Variants in OXSR1 observed in about 807,000 individuals in gnomAD.
OXSR1 encodes the protein oxidative stress responsive kinase 1.
In OXSR1, 24 loss-of-function variants were observed where a neutral mutation model predicts 79.8. The observed-to-expected ratio is 0.30, with a 90% confidence interval of 0.22 to 0.42. The LOEUF is 0.42. Among genes scored for constraint, OXSR1 ranks in the 10% least tolerant of loss-of-function variants. The probability of loss-of-function intolerance (pLI) is 1.00; values close to 1 mark genes in which losing one functional copy is unlikely to be tolerated. For missense variants in OXSR1, 430 were observed against 618.4 expected (o/e 0.70, Z 3.23); for synonymous variants, 226 against 209.2 (o/e 1.08, Z -0.69).
intron 1 of OXSR1, among the ~76,000 whole-genome samples, chr3:38,175,701 A>G (rs1345436338): frequency 6.6e-6 from 1 of 152,228 alleles, no homozygotes; most frequent in Non-Finnish European, 1.5e-5. Context: ...CTCTGTCTCA[A>G]GAAGTAGAGT....
Position 38,216,076 on chromosome 3 carries a change from CTTTTT to C in OXSR1, c.435-9_435-5del. 1.6e-6 allele frequency: 2 copies of C among 1,269,320 alleles called. No individual in the cohort carries two copies. Among genetic ancestry groups the C allele is most frequent in the Non-Finnish European group, 2.2e-6 (2 of 912,310 alleles). 78.6% of individuals were successfully genotyped at this position (1,269,320 alleles called of 1,614,324 possible). The stretch of plus-strand genomic sequence containing the variant: ...AGAATAGATGTTTTTTGATACATAA[CTTTTT>C]TTTTTTTTTTAAAGAGATGTGAAAG... On this transcript the variant is annotated splice_polypyrimidine_tract_variant and intron_variant, in intron 4 of 17. Transcript: ENST00000311806.
chr3:38,166,002 G>A (rs1312538341), intron 1 of OXSR1, 56 bp downstream of exon 1: 2 of 1,493,976 alleles, frequency 1.3e-6, no homozygotes, highest in Non-Finnish European at 1.8e-6. Flanking sequence ...GGGGGACACG[G>A]GAACGTGGGG....
In OXSR1 at chr3:38,252,962, A is replaced by C; in HGVS notation, c.*71A>C. 8.0e-7 allele frequency: 1 copy of C among 1,252,622 alleles called. No individual in the cohort carries two copies. Among genetic ancestry groups the C allele is most frequent in the South Asian group, 1.2e-5 (1 of 82,804 alleles). 77.6% of individuals were successfully genotyped at this position (1,252,622 alleles called of 1,614,324 possible). A position where few individuals can be genotyped will look rare whatever the true frequency, so the allele number is the denominator to read the frequency against. ...TATCTCTGTTGCTTCTATTGGCCTA[A>C]ACCCACTACTGCCAAAGAACCCAGC... On this transcript the variant is annotated 3_prime_UTR_variant, in exon 18 of 18. Transcript: ENST00000311806.
chr3:38,175,982 G>GTATTCAGATTAGGCCAATGATA lies in OXSR1; in HGVS notation c.71-7021_71-7020insTATTCAGATTAGGCCAATGATA. 1.3e-5 allele frequency among the ~76,000 whole-genome samples: 2 copies of GTATTCAGATTAGGCCAATGATA among 152,178 alleles called. 1 individual carries two copies. Among genetic ancestry groups the GTATTCAGATTAGGCCAATGATA allele is most frequent in the Middle Eastern group, 6.8e-3 (2 of 294 alleles). On this transcript the variant is annotated intron_variant, in intron 1 of 17. Coordinates refer to ENST00000311806, the MANE Select transcript of OXSR1 (RefSeq NM_005109.3). The stretch of plus-strand genomic sequence containing the variant: ...CAGATTAGGCCAATGCTTAGTCGAG[G>GTATTCAGATTAGGCCAATGATA]GCATTAGGGAAGTAGCTATCACACT...
intron 4 of OXSR1, among the ~76,000 whole-genome samples, chr3:38,207,579 G>A (rs2125825992): frequency 6.6e-6 from 1 of 152,300 alleles, no homozygotes; most frequent in Middle Eastern, 3.4e-3. Context: ...ATGTGCTACT[G>A]ACATGTAATG....
chr3:38,220,757 T>C (rs1363666039), intron 5 of OXSR1, among the ~76,000 whole-genome samples: 3 of 152,198 alleles, frequency 2.0e-5, no homozygotes, highest in African/African-American at 7.2e-5. Flanking sequence ...AGGAGACTAA[T>C]ATAGGCCTAC....
intron 15 of OXSR1, chr3:38,250,239 A>C: frequency 2.1e-6 from 1 of 480,588 alleles, no homozygotes; most frequent in Non-Finnish European, 3.7e-6. Context: ...AATATATGAT[A>C]GCTCTTTACA....
Position 38,252,354 on chromosome 3 carries a change from G to A in OXSR1, c.1471G>A (p.Glu491Lys). ...IVAANLQKIV[E>K]EPQSNRSVTF... ...GGCAGCTAATTTGCAGAAAATTGTGGAAGAACCTCAGTCAAATCGATCTGT... is the reference window on the plus strand; with the variant it reads ...GGCAGCTAATTTGCAGAAAATTGTGAAAGAACCTCAGTCAAATCGATCTGT... The change falls in exon 17 of 18, where the codon GAA (glutamate) becomes AAA (lysine). Residue 491 changes from glutamate to lysine, a missense_variant. Physicochemically the swap from Glu to Lys is moderately conservative, Grantham distance 56. Transcript: ENST00000311806. 1 of 1,612,126 alleles carries A rather than the reference G, an allele frequency of 6.2e-7. No homozygotes were observed. The highest frequency in any genetic ancestry group is 8.5e-7 in the Non-Finnish European group (1 of 1,178,306).
intron 11 of OXSR1, among the ~76,000 whole-genome samples, chr3:38,241,835 G>A (rs368207884): frequency 1.3e-5 from 2 of 148,560 alleles, no homozygotes; most frequent in South Asian, 4.2e-4. Context: ...TTTTGGGTTG[G>A]TCACTTACTT....
intron 4 of OXSR1, among the ~76,000 whole-genome samples, chr3:38,212,478 T>C (rs1289034011): frequency 3.3e-5 from 5 of 152,250 alleles, no homozygotes; most frequent in Non-Finnish European, 7.3e-5. Flanking sequence ...AGGCTGGCTG[T>C]GACAGAAATG....
rs1053924719 is a variant in OXSR1 at position 38,253,077 on chromosome 3, A to G, written c.*186A>G. 1.0e-5 allele frequency: 6 copies of G among 589,326 alleles called. No homozygotes were observed. Among genetic ancestry groups the G allele is most frequent in the Non-Finnish European group, 1.8e-5 (6 of 331,240 alleles). The allele number at this position is 589,326 out of a possible 1,614,324, so 36.5% of individuals were successfully genotyped here. A position where few individuals can be genotyped will look rare whatever the true frequency, so the allele number is the denominator to read the frequency against. ...CCCACAGGGAAAGAAAAGTTGGATC[A>G]CTAGTGGCCAGCATCCCCAGAGTTC... is the stretch of plus-strand genomic sequence containing the variant. On this transcript the variant is annotated 3_prime_UTR_variant, in exon 18 of 18. Transcript: ENST00000311806.
intron 2 of OXSR1, among the ~76,000 whole-genome samples, chr3:38,189,832 G>T (rs1454454745): frequency 1.3e-5 from 2 of 152,192 alleles, no homozygotes; most frequent in African/African-American, 4.8e-5. Context: ...CAGTGATTGA[G>T]AATCTACTTT....
chr3:38,235,181 C>T (rs1310338404), intron 10 of OXSR1, among the ~76,000 whole-genome samples: 1 of 152,080 alleles, frequency 6.6e-6, no homozygotes, highest in Non-Finnish European at 1.5e-5. Flanking sequence ...GGTTGCACAA[C>T]TTTGAATATA....
chr3:38,215,119 G>GA (rs1702457564), intron 4 of OXSR1, among the ~76,000 whole-genome samples: 2 of 152,178 alleles, frequency 1.3e-5, no homozygotes, highest in Non-Finnish European at 2.9e-5. Flanking sequence ...TTTGGCAAGG[G>GA]AAAGGGGTGT....
chr3:38,166,545 C>A (rs1364358184), intron 1 of OXSR1, among the ~76,000 whole-genome samples: 3 of 152,096 alleles, frequency 2.0e-5, no homozygotes, highest in African/African-American at 7.2e-5. Flanking sequence ...GTAATCCCAC[C>A]ACTTTGGGAG....
At chr3:38,188,973 C>A (rs933956321) in intron 2 of OXSR1, among the ~76,000 whole-genome samples, 16 of 152,096 alleles carry the variant, frequency 1.1e-4, no homozygotes, top group African/African-American at 3.6e-4. Flanking sequence ...CTATACCTGG[C>A]ACGTAGTAGG....
intron 9 of OXSR1, 63 bp downstream of exon 9, chr3:38,229,798 G>A: frequency 8.2e-7 from 1 of 1,221,476 alleles, no homozygotes; most frequent in Non-Finnish European, 1.2e-6. Context: ...CTCAGATTAT[G>A]TTCAGTGCTT....
chr3:38,168,255 T>C (rs954226113), intron 1 of OXSR1, among the ~76,000 whole-genome samples: 2 of 152,248 alleles, frequency 1.3e-5, no homozygotes, highest in Admixed American at 6.5e-5. Context: ...TAGTGGTTTT[T>C]AGTAAATTCC....
intron 10 of OXSR1, among the ~76,000 whole-genome samples, chr3:38,232,764 C>G (rs531605794): frequency 6.6e-6 from 1 of 150,562 alleles, no homozygotes; most frequent in Admixed American, 6.6e-5. Flanking sequence ...TGTCTCAAAA[C>G]GAAAAGAAAA....
Sources: gnomAD v4.1 joint callset for allele counts (sites outside exome capture counted in the v4.1 genomes callset) on GRCh38, gnomAD v4.1.1 for gene constraint, MANE v1.5 for transcripts, NCBI Gene and HGNC (gene_info 2026-07-23, HGNC 2026-07-21) for gene names.